The following CNTD1 variants were observed in gnomAD, a reference collection of about 807,000 sequenced individuals.
The protein encoded by CNTD1 is cyclin N-terminal domain containing 1.
Under a neutral mutation model 36.3 loss-of-function variants are expected in CNTD1, and 17 were observed. That is an observed-to-expected ratio of 0.47 (90% CI 0.32 to 0.70). CNTD1 has a LOEUF of 0.70. Among genes scored for constraint, CNTD1 ranks in the 30% least tolerant of loss-of-function variants. CNTD1 has a pLI of 0.03. For synonymous variants in CNTD1, 128 were observed against 153.3 expected (o/e 0.83, Z 1.22); for missense variants, 338 against 386.1 (o/e 0.88, Z 1.04).
chr17:42,808,119 T>A lies in CNTD1; in HGVS notation c.822+255T>A, dbSNP rs116829020. Among the ~76,000 whole-genome samples the A allele has an allele frequency of 9.1e-3, 1,385 of 152,264 alleles. 19 individuals are homozygous for A. Among genetic ancestry groups the A allele is most frequent in the African/African-American group, 0.031 (1,278 of 41,532 alleles). On this transcript the variant is annotated intron_variant, in intron 6 of 6. Transcript: ENST00000588408. ...TTATAACGATAACCTGCTATTATGT[T>A]AAACTCCAGGCTGGGCACGGTGGCT...
rs747815286 is a variant in CNTD1, at chr17:42,803,671, A to T, written c.221A>T (p.Tyr74Phe). The T allele has an allele frequency of 6.2e-7, 1 of 1,614,100 alleles. No homozygotes were observed. The highest frequency in any genetic ancestry group is 8.5e-7 in the Non-Finnish European group (1 of 1,179,954). The change falls in exon 2 of 7, where the codon TAC becomes TTC. Residue 74 changes from tyrosine to phenylalanine, a missense_variant. Coordinates refer to ENST00000588408, the MANE Select transcript of CNTD1 (RefSeq NM_173478.3). ...TGGTGTCTGGAGAAATCTGTGAGCT[A>T]CCAGGCTGTAGAAATCCTAGAAAGG... ...EQWCLEKSVS[Y>F]QAVEILERFM...
At position 42,799,255 on chromosome 17, in the gene CNTD1, G is replaced by A. The variant is rs771695668; in HGVS notation, c.169+19G>A. 1.9e-6 allele frequency: 3 copies of A among 1,607,352 alleles called. No homozygotes were observed. The highest frequency in any genetic ancestry group is 2.7e-5 in the African/African-American group (2 of 74,536). ...ATCGTGGGTGCGGCTGCAGGGCCGG[G>A]GTGCTGGGTTCTTGGGAGACTGGGG... On this transcript the variant is annotated intron_variant, in intron 1 of 6. Transcript: ENST00000588408.
chr17:42,798,800 G>C (rs757179702), upstream of CNTD1: 1 of 1,455,254 alleles, frequency 6.9e-7, no homozygotes, highest in African/African-American at 1.4e-5. Context: ...GCAGAGCCGC[G>C]GTTCCCGGGC....
intron 6 of CNTD1, among the ~76,000 whole-genome samples, chr17:42,808,779 T>C (rs1272164786): frequency 6.8e-6 from 1 of 147,720 alleles, no homozygotes; most frequent in Admixed American, 6.7e-5. Flanking sequence ...CAGGCAGGGT[T>C]GCTCACGCCT....
chr17:42,803,742 C>A, intron 2 of CNTD1, 47 bp downstream of exon 2: 1 of 1,406,894 alleles, frequency 7.1e-7, no homozygotes, highest in South Asian at 1.2e-5. Flanking sequence ...CTCAGAGTGG[C>A]TAATGTACCT....
At position 42,809,557 on chromosome 17, in the gene CNTD1, A is replaced by G; in HGVS notation, c.*22A>G. On this transcript the variant is annotated 3_prime_UTR_variant, in exon 7 of 7. Transcript: ENST00000588408. ...ATGAGGGAGGCTGAATCCACCAAAT[A>G]TAAACAGCCATCCGTCACTGCACTC... 6.2e-7 allele frequency: 1 copy of G among 1,610,116 alleles called. No individual in the cohort carries two copies. The highest frequency in any genetic ancestry group is 8.5e-7 in the Non-Finnish European group (1 of 1,176,786).
rs770160590 is a variant in CNTD1, at chr17:42,807,671, C to G, written c.726-97C>G. ...CCATGTCTAAAAAATCCAAGATGAT[C>G]GACACAAATAATTCATAGTTGAAGT... On this transcript the variant is annotated intron_variant, in intron 5 of 6. Coordinates refer to ENST00000588408, the MANE Select transcript of CNTD1 (RefSeq NM_173478.3). 4 of 876,154 alleles carry G rather than the reference C, an allele frequency of 4.6e-6. No homozygotes were observed. In the Admixed American group the frequency reaches 6.1e-5, roughly 13 times the overall value. The allele number at this position is 876,154 out of a possible 1,614,324, so 54.3% of individuals were successfully genotyped here. A position where few individuals can be genotyped will look rare whatever the true frequency, so the allele number is the denominator to read the frequency against.
chr17:42,805,615 G>T (rs1470189970), intron 3 of CNTD1, 107 bp from the exon 4 acceptor site: 1 of 973,734 alleles, frequency 1.0e-6, no homozygotes, highest in Non-Finnish European at 1.5e-6. Flanking sequence ...CAAGAGACAA[G>T]ACTGAAGATG....
In CNTD1 at chr17:42,801,509, AAATATATATATAT is replaced by A. The variant is rs1176188089; in HGVS notation, c.170-2109_170-2097del. Among the ~76,000 whole-genome samples the A allele has an allele frequency of 1.1e-3, 57 of 50,270 alleles. 3 individuals are homozygous for A. Among genetic ancestry groups the A allele is most frequent in the African/African-American group, 8.8e-3 (54 of 6,132 alleles). 33.0% of individuals were successfully genotyped at this position (50,270 alleles called of 152,430 possible). A position where few individuals can be genotyped will look rare whatever the true frequency, so the allele number is the denominator to read the frequency against. The stretch of plus-strand genomic sequence containing the variant: ...AGACCTTGTCTCAAAAAAAAAAAAA[AAATATATATATAT>A]ATATATATATATATATATATATATA... On this transcript the variant is annotated intron_variant, in intron 1 of 6. Transcript: ENST00000588408.
chr17:42,803,280 G>A (rs1034232438), intron 1 of CNTD1, among the ~76,000 whole-genome samples: 1 of 152,226 alleles, frequency 6.6e-6, no homozygotes, highest in Admixed American at 6.5e-5. Context: ...TGAAGCTGGG[G>A]GTTCCCAGCA....
chr17:42,810,588 T>C lies in CNTD1; in HGVS notation c.*1053T>C. 1.5e-6 allele frequency: 1 copy of C among 648,024 alleles called. No individual in the cohort carries two copies. The allele number at this position is 648,024 out of a possible 1,614,324, so 40.1% of individuals were successfully genotyped here. On this transcript the variant is annotated 3_prime_UTR_variant, in exon 7 of 7. Coordinates refer to ENST00000588408, the MANE Select transcript of CNTD1 (RefSeq NM_173478.3). ...AACTATAGATGGCATGTTGTAGCTC[T>C]GGAAAGTATCTGTCACATGATATTT...
In CNTD1 at chr17:42,809,686, G is replaced by T; in HGVS notation, c.*151G>T. 1 of 689,586 alleles carries T rather than the reference G, an allele frequency of 1.5e-6. No homozygotes were observed. The highest frequency in any genetic ancestry group is 3.2e-5 in the Admixed American group (1 of 30,848). The allele number at this position is 689,586 out of a possible 1,614,324, so 42.7% of individuals were successfully genotyped here. Reference sequence around the variant, plus strand: ...TCATGCTTATTTTTCCTTTATCAGAGAGAGTTAAGGTGGACGAGCATGCCC... The same window carrying T: ...TCATGCTTATTTTTCCTTTATCAGATAGAGTTAAGGTGGACGAGCATGCCC... On this transcript the variant is annotated 3_prime_UTR_variant, in exon 7 of 7. Coordinates refer to ENST00000588408, the MANE Select transcript of CNTD1 (RefSeq NM_173478.3).
At chr17:42,804,786 C>T (rs756810088) in intron 3 of CNTD1, among the ~76,000 whole-genome samples, 11 of 152,010 alleles carry the variant, frequency 7.2e-5, no homozygotes, top group South Asian at 2.1e-4. Context: ...CCAGCCTGGG[C>T]GACAGAGCGA....
chr17:42,809,520 T>C lies in CNTD1; in HGVS notation c.978T>C (p.Ala326=), dbSNP rs769566967. 1.2e-6 allele frequency: 2 copies of C among 1,614,054 alleles called. No individual in the cohort carries two copies. The highest frequency in any genetic ancestry group is 2.2e-5 in the South Asian group (2 of 91,068). Residue 326 remains alanine (A), a synonymous_variant, in exon 7 of 7, where the codon GCT becomes GCC. Coordinates refer to ENST00000588408, the MANE Select transcript of CNTD1 (RefSeq NM_173478.3). ...CAGCCAGAGCTCTGAAGACTGTTGC[T>C]TCCTCTAACACATGAGGGAGGCTGA... ...HLAARALKTV[A]SSNT is the part of the protein sequence containing the mutation.
chr17:42,805,604 C>T, intron 3 of CNTD1, 118 bp from the exon 4 acceptor site: 1 of 885,250 alleles, frequency 1.1e-6, no homozygotes, highest in Non-Finnish European at 1.7e-6. Context: ...GGGGGAATTA[C>T]CAAGAGACAA....
chr17:42,801,251 A>G (rs1214599089), intron 1 of CNTD1, among the ~76,000 whole-genome samples: 2 of 150,870 alleles, frequency 1.3e-5, no homozygotes, highest in African/African-American at 4.8e-5. Context: ...ACATAAATAA[A>G]GCAGGAGGAA....
intron 4 of CNTD1, 35 bp downstream of exon 4, chr17:42,805,919 C>A (rs752560746): frequency 6.3e-7 from 1 of 1,574,986 alleles, no homozygotes; most frequent in Non-Finnish European, 8.6e-7. Context: ...GGGTTGGAGA[C>A]TTCCATAGAA....
chr17:42,808,182 G>A (rs2054911342), intron 6 of CNTD1, among the ~76,000 whole-genome samples: 1 of 152,190 alleles, frequency 6.6e-6, no homozygotes, highest in Non-Finnish European at 1.5e-5. Context: ...GGCCAAGGCA[G>A]GAGAACTGTT....
chr17:42,803,572 G>A, intron 1 of CNTD1, 48 bp from the exon 2 acceptor site: 1 of 1,485,722 alleles, frequency 6.7e-7, no homozygotes, highest in Non-Finnish European at 9.4e-7. Flanking sequence ...TCACAGAGTG[G>A]TTTTGGTTGC....
Sources: gnomAD v4.1 joint callset for allele counts (sites outside exome capture counted in the v4.1 genomes callset) on GRCh38, gnomAD v4.1.1 for gene constraint, MANE v1.5 for transcripts, NCBI Gene and HGNC (gene_info 2026-07-23, HGNC 2026-07-21) for gene names.